Variants in PARD3 observed in about 807,000 individuals in gnomAD.
PARD3 encodes the protein par-3 family cell polarity regulator.
A neutral mutation model predicts 155.4 loss-of-function variants in PARD3; 75 were observed. The ratio of observed to expected loss-of-function variants is 0.48; its 90% CI spans 0.40 to 0.58. The LOEUF (loss-of-function observed/expected upper bound fraction) is 0.58. Ranked by LOEUF, PARD3 falls within the 20% of genes least tolerant of loss-of-function variation. The probability of loss-of-function intolerance (pLI) is 0.00; values close to 1 mark genes in which losing one functional copy is unlikely to be tolerated. For missense variants in PARD3, 1,642 were observed against 1,721.7 expected, an observed-to-expected ratio of 0.95 and a Z score of 0.82; for synonymous variants, 576 against 610.5, an observed-to-expected ratio of 0.94 and a Z score of 0.83.
chr10:34,332,481 T>C (rs1393967728), intron 18 of PARD3, among the ~76,000 whole-genome samples: 3 of 152,168 alleles, frequency 2.0e-5, no homozygotes, highest in Admixed American at 1.3e-4. Context: ...TCAGCCCATA[T>C]GTTGATCATG....
intron 2 of PARD3, among the ~76,000 whole-genome samples, chr10:34,591,616 G>A (rs756727372): frequency 5.3e-5 from 8 of 152,144 alleles, no homozygotes; most frequent in Non-Finnish European, 1.0e-4. Context: ...CAAGACTGAA[G>A]ACAAACCCAA....
At chr10:34,195,027 T>C (rs1389030768) in intron 22 of PARD3, among the ~76,000 whole-genome samples, 1 of 152,248 alleles carries the variant, frequency 6.6e-6, no homozygotes, top group Non-Finnish European at 1.5e-5. Context: ...TATACCAACG[T>C]AATTTCTCTA....
intron 2 of PARD3, among the ~76,000 whole-genome samples, chr10:34,535,731 C>T (rs1490445868): frequency 6.6e-6 from 1 of 151,930 alleles, no homozygotes; most frequent in Admixed American, 6.6e-5. Flanking sequence ...CAGCCTCAGC[C>T]TTCCAAAGTG....
intron 22 of PARD3, among the ~76,000 whole-genome samples, chr10:34,228,037 A>T (rs1173912986): frequency 6.6e-6 from 1 of 151,172 alleles, no homozygotes; most frequent in Non-Finnish European, 1.5e-5. Flanking sequence ...TGGTGGACTG[A>T]ATAAAGAAAA....
intron 22 of PARD3, among the ~76,000 whole-genome samples, chr10:34,195,645 A>G (rs540557820): frequency 1.3e-5 from 2 of 152,246 alleles, no homozygotes; most frequent in Non-Finnish European, 2.9e-5. Flanking sequence ...CTAAGAATAT[A>G]AGGCATCACA....
At chr10:34,716,199 G>A (rs963600993) in intron 1 of PARD3, among the ~76,000 whole-genome samples, 3 of 152,060 alleles carry the variant, frequency 2.0e-5, no homozygotes, top group East Asian at 1.9e-4. Context: ...AATGTAATGC[G>A]TGTGCCTTCA....
intron 2 of PARD3, among the ~76,000 whole-genome samples, chr10:34,518,792 G>A (rs940484653): frequency 6.6e-6 from 1 of 152,082 alleles, no homozygotes; most frequent in Non-Finnish European, 1.5e-5. Context: ...ACATTAATGG[G>A]TGTGAATATG....
At chr10:34,360,017 G>A (rs1839289226) in intron 13 of PARD3, 54 bp downstream of exon 13, 1 of 1,374,836 alleles carries the variant, frequency 7.3e-7, no homozygotes, top group South Asian at 1.2e-5. Context: ...TAGGAACAGG[G>A]TTGAAATTAA....
At chr10:34,755,688 C>T (rs1318205017) in intron 1 of PARD3, among the ~76,000 whole-genome samples, 4 of 152,110 alleles carry the variant, frequency 2.6e-5, no homozygotes, top group African/African-American at 7.2e-5. Flanking sequence ...AATATGGATA[C>T]TCAAAGATTT....
At chr10:34,387,933 C>T (rs554505874) in intron 7 of PARD3, among the ~76,000 whole-genome samples, 1 of 152,052 alleles carries the variant, frequency 6.6e-6, no homozygotes, top group Non-Finnish European at 1.5e-5. Context: ...TCCTAACATA[C>T]AGTAGAAATT....
chr10:34,579,283 GA>G (rs2087183195), intron 2 of PARD3, among the ~76,000 whole-genome samples: 1 of 141,276 alleles, frequency 7.1e-6, no homozygotes, highest in African/African-American at 2.7e-5. Context: ...AAAAAAAAAA[GA>G]AAAAGAAAAT....
intron 22 of PARD3, among the ~76,000 whole-genome samples, chr10:34,140,867 C>T (rs1431136528): frequency 6.6e-6 from 1 of 152,130 alleles, no homozygotes; most frequent in African/African-American, 2.4e-5. Flanking sequence ...TAGTTTCTAA[C>T]AAGGGCCGCT....
intron 12 of PARD3, among the ~76,000 whole-genome samples, chr10:34,362,078 T>G (rs1287372037): frequency 1.3e-5 from 2 of 152,022 alleles, no homozygotes; most frequent in Non-Finnish European, 2.9e-5. Flanking sequence ...AGCAGGTGGA[T>G]CACGAGGTCA....
chr10:34,698,686 C>T (rs775550253), intron 1 of PARD3, among the ~76,000 whole-genome samples: 13 of 152,190 alleles, frequency 8.5e-5, no homozygotes, highest in Non-Finnish European at 1.9e-4. Context: ...GGATGATAGG[C>T]ATGAGCCACT....
chr10:34,148,105 T>G (rs796179375), intron 22 of PARD3, among the ~76,000 whole-genome samples: 1 of 151,956 alleles, frequency 6.6e-6, no homozygotes, highest in African/African-American at 2.4e-5. Context: ...CCAGAATGAA[T>G]AGAGAGAGAT....
At chr10:34,269,521 T>C in intron 22 of PARD3, 136 bp downstream of exon 22, 4 of 907,326 alleles carry the variant, frequency 4.4e-6, no homozygotes, top group Non-Finnish European at 5.0e-6. Context: ...CTCAATACTT[T>C]TAGACACAAC....
At chr10:34,608,800 C>T (rs1280717414) in intron 2 of PARD3, among the ~76,000 whole-genome samples, 3 of 152,088 alleles carry the variant, frequency 2.0e-5, no homozygotes, top group Non-Finnish European at 4.4e-5. Context: ...TCCCAAAGTG[C>T]TAGGATTACA....
At chr10:34,192,696 C>T (rs796972938) in intron 22 of PARD3, among the ~76,000 whole-genome samples, 1 of 152,112 alleles carries the variant, frequency 6.6e-6, no homozygotes, top group Non-Finnish European at 1.5e-5. Context: ...CTGTTGATGG[C>T]ACAGGCCGGC....
intron 2 of PARD3, among the ~76,000 whole-genome samples, chr10:34,591,793 G>C (rs1412446836): frequency 6.6e-6 from 1 of 152,130 alleles, no homozygotes; most frequent in African/African-American, 2.4e-5. Context: ...CTAAGCCGGG[G>C]GAGTTTCGAT....
Sources: allele counts gnomAD v4.1 joint callset (sites outside exome capture counted in the v4.1 genomes callset), GRCh38; gene constraint gnomAD v4.1.1; transcripts MANE v1.5; gene names NCBI Gene and HGNC (gene_info 2026-07-23, HGNC 2026-07-21).